FAM13A: variants seen among roughly 807,000 people sequenced by gnomAD.
FAM13A encodes family with sequence similarity 13 member A, also known as protein FAM13A.
A neutral mutation model predicts 129.6 loss-of-function variants in FAM13A; 76 were observed. The ratio of observed to expected loss-of-function variants is 0.59; its 90% confidence interval spans 0.49 to 0.71. The LOEUF (loss-of-function observed/expected upper bound fraction) is 0.71, where lower values mean the gene tolerates loss of function less well. Ranked by LOEUF, FAM13A falls within the 30% of genes least tolerant of loss-of-function variation. FAM13A has a pLI of 0.00. For missense variants in FAM13A, 1,108 were observed against 1,249.3 expected, an observed-to-expected ratio of 0.89 and a Z score of 1.70; for synonymous variants, 443 against 449.9, an observed-to-expected ratio of 0.98 and a Z score of 0.20.
intron 7 of FAM13A, among the ~76,000 whole-genome samples, chr4:88,813,061 T>C (rs1409437904): frequency 6.6e-6 from 1 of 152,132 alleles, no homozygotes; most frequent in East Asian, 1.9e-4. Flanking sequence ...AACTGCACAA[T>C]AAGAGGTGGG....
intron 3 of FAM13A, among the ~76,000 whole-genome samples, chr4:89,000,547 T>C (rs1764123270): frequency 6.6e-6 from 1 of 152,172 alleles, no homozygotes; most frequent in Admixed American, 6.5e-5. Flanking sequence ...GGGGAGTGAC[T>C]GCTAATGGGC....
At chr4:88,907,964 A>G (rs1748435086) in intron 5 of FAM13A, among the ~76,000 whole-genome samples, 1 of 152,246 alleles carries the variant, frequency 6.6e-6, no homozygotes, top group South Asian at 2.1e-4. Context: ...TGGACCACAA[A>G]GTAGTACACA....
chr4:88,758,919 T>C lies in FAM13A; in HGVS notation c.1579-18A>G, dbSNP rs200705868. On this transcript the variant is annotated intron_variant, in intron 13 of 23. Coordinates refer to ENST00000264344, the MANE Select transcript of FAM13A (RefSeq NM_014883.4). ...GTGGGGCTCTGCAATAACAGCACAATGTCCCCAAATATCTACTGCTCACCA... is the reference window on the plus strand; with the variant it reads ...GTGGGGCTCTGCAATAACAGCACAACGTCCCCAAATATCTACTGCTCACCA... The C allele has an allele frequency of 9.4e-5, 152 of 1,610,970 alleles. No individual in the cohort carries two copies. Among genetic ancestry groups the C allele is most frequent in the Middle Eastern group, 1.7e-4 (1 of 6,050 alleles).
chr4:88,746,830 A>G, intron 19 of FAM13A, 102 bp downstream of exon 19: 1 of 769,462 alleles, frequency 1.3e-6, no homozygotes, highest in Non-Finnish European at 2.3e-6. Context: ...AAGTAAAGCA[A>G]GCAAACATTA....
chr4:88,945,990 G>GTGTGTGTGTGTGTATATATATA lies in FAM13A; in HGVS notation c.606-7750_606-7749insTATATATATACACACACACACA. On this transcript the variant is annotated intron_variant, in intron 4 of 23. Transcript: ENST00000264344. Reference sequence around the variant, plus strand: ...TGTGTGTGTGTGTGTGTGTGTGTGTGTATATATATATATATATATATATAT... The same window carrying GTGTGTGTGTGTGTATATATATA: ...TGTGTGTGTGTGTGTGTGTGTGTGTGTGTGTGTGTGTGTATATATATATATATATATATATATATATATATAT... Among the ~76,000 whole-genome samples the GTGTGTGTGTGTGTATATATATA allele has an allele frequency of 5.5e-3, 340 of 61,486 alleles. 2 individuals carry two copies. Among genetic ancestry groups the GTGTGTGTGTGTGTATATATATA allele is most frequent in the Non-Finnish European group, 7.7e-3 (263 of 34,334 alleles). The allele number at this position is 61,486 out of a possible 152,430, so 40.3% of individuals were successfully genotyped here.
At chr4:88,768,808 T>TTA (rs1254053940) in intron 11 of FAM13A, among the ~76,000 whole-genome samples, 2 of 152,120 alleles carry the variant, frequency 1.3e-5, no homozygotes, top group Non-Finnish European at 2.9e-5. Context: ...CCAGGTGGGG[T>TTA]TAATGCTTAC....
At chr4:88,912,213 T>C (rs1749182505) in intron 5 of FAM13A, among the ~76,000 whole-genome samples, 1 of 151,088 alleles carries the variant, frequency 6.6e-6, no homozygotes, top group Non-Finnish European at 1.5e-5. Flanking sequence ...TTTGAATCAA[T>C]GGGCTGAGTA....
Position 88,728,274 on chromosome 4 carries a change from C to T in FAM13A, c.*259G>A, listed in dbSNP as rs933608575. ...AGCTCCACTACTGTGTGTGTGTGTGCGTGCATGCGCGTGCGCATGTGCACA... is the reference window on the plus strand; with the variant it reads ...AGCTCCACTACTGTGTGTGTGTGTGTGTGCATGCGCGTGCGCATGTGCACA... On this transcript the variant is annotated 3_prime_UTR_variant, in exon 24 of 24. Coordinates refer to ENST00000264344, the MANE Select transcript of FAM13A (RefSeq NM_014883.4). The T allele has an allele frequency of 9.2e-5, 45 of 491,190 alleles. No homozygotes were observed. Among genetic ancestry groups the T allele is most frequent in the Middle Eastern group, 5.7e-4 (1 of 1,752 alleles). The allele number at this position is 491,190 out of a possible 1,614,324, so 30.4% of individuals were successfully genotyped here. A position where few individuals can be genotyped will look rare whatever the true frequency, so the allele number is the denominator to read the frequency against.
intron 7 of FAM13A, 43 bp from the exon 8 acceptor site, chr4:88,805,095 T>C: frequency 9.8e-7 from 1 of 1,024,518 alleles, no homozygotes; most frequent in Non-Finnish European, 1.5e-6. Flanking sequence ...TGTCTGTTAA[T>C]ATGACATGTC....
chr4:88,737,377 G>A, intron 21 of FAM13A, 95 bp downstream of exon 21: 3 of 1,041,856 alleles, frequency 2.9e-6, no homozygotes, highest in Non-Finnish European at 4.5e-6. Context: ...CCACCAAAAG[G>A]CCCGATCACA....
intron 6 of FAM13A, among the ~76,000 whole-genome samples, chr4:88,866,778 A>G (rs1740536428): frequency 6.6e-6 from 1 of 152,192 alleles, no homozygotes; most frequent in Non-Finnish European, 1.5e-5. Flanking sequence ...TGAAAATACC[A>G]TTAAATAGAA....
intron 5 of FAM13A, among the ~76,000 whole-genome samples, chr4:88,925,883 G>C (rs1160358140): frequency 6.6e-6 from 1 of 152,104 alleles, no homozygotes; most frequent in Non-Finnish European, 1.5e-5. Flanking sequence ...AAGGAGATGA[G>C]GATTAACTGT....
intron 5 of FAM13A, among the ~76,000 whole-genome samples, chr4:88,912,202 A>G (rs1749180583): frequency 2.3e-5 from 3 of 132,462 alleles, no homozygotes; most frequent in South Asian, 4.6e-4. Context: ...AGAGGCTGGT[A>G]TTTGAATCAA....
At position 88,963,935 on chromosome 4, in the gene FAM13A, G is replaced by T. The variant is rs2013701; in HGVS notation, c.606-25694C>A. On this transcript the variant is annotated intron_variant, in intron 4 of 23. Transcript: ENST00000264344. ...ATGAATGTTCAGTGTAAACAGTTTG[G>T]GGTACAGTACACTCCTCAGGCAGGT... Among the ~76,000 whole-genome samples, 77,432 of 151,918 alleles carry T rather than the reference G, an allele frequency of 0.51. 19,638 individuals are homozygous for T. Among genetic ancestry groups the T allele is most frequent in the African/African-American group, 0.55 (22,625 of 41,422 alleles).
chr4:88,777,290 C>T (rs1721945008), intron 11 of FAM13A, among the ~76,000 whole-genome samples: 1 of 152,112 alleles, frequency 6.6e-6, no homozygotes, highest in South Asian at 2.1e-4. Flanking sequence ...AGGAAACTTA[C>T]TTTGTCATTT....
At chr4:88,987,162 T>A (rs972174387) in intron 4 of FAM13A, among the ~76,000 whole-genome samples, 4 of 152,172 alleles carry the variant, frequency 2.6e-5, no homozygotes, top group African/African-American at 9.7e-5. Context: ...CAGGAAAATT[T>A]AATGTTGTTC....
intron 1 of FAM13A, among the ~76,000 whole-genome samples, chr4:89,049,770 C>A (rs954055018): frequency 1.3e-5 from 2 of 152,146 alleles, no homozygotes; most frequent in African/African-American, 4.8e-5. Flanking sequence ...ATTCTCCTTG[C>A]CTCAGCTTCC....
At chr4:88,893,826 CAAAAAA>C (rs10700709) in intron 6 of FAM13A, among the ~76,000 whole-genome samples, 1 of 118,072 alleles carries the variant, frequency 8.5e-6, no homozygotes, top group Admixed American at 9.1e-5. Context: ...GACTCCGTCT[CAAAAAA>C]AAAAAAAAAA....
At chr4:88,791,503 T>A (rs561783494) in intron 8 of FAM13A, among the ~76,000 whole-genome samples, 2 of 152,232 alleles carry the variant, frequency 1.3e-5, no homozygotes, top group Admixed American at 1.3e-4. Flanking sequence ...CTCTAGTGTT[T>A]AGTTGGCTTG....
Sources: gnomAD v4.1 joint callset for allele counts (sites outside exome capture counted in the v4.1 genomes callset) on GRCh38, gnomAD v4.1.1 for gene constraint, MANE v1.5 for transcripts, NCBI Gene and HGNC (gene_info 2026-07-23, HGNC 2026-07-21) for gene names.